Variants in MN1 observed in about 807,000 individuals in gnomAD.
The protein encoded by MN1 is MN1 proto-oncogene, transcriptional regulator, also known as transcriptional activator MN1.
MN1 carries 19 observed loss-of-function variants against 86.9 expected under a neutral mutation model. The ratio of observed to expected loss-of-function variants is 0.22; its 90% CI spans 0.15 to 0.32. The LOEUF is 0.32. Among genes scored for constraint, MN1 ranks in the 10% least tolerant of loss-of-function variants. The pLI is 1.00. For missense variants in MN1, 1,841 were observed against 1,862.0 expected, an observed-to-expected ratio of 0.99 and a Z score of 0.21; for synonymous variants, 928 against 849.6, an observed-to-expected ratio of 1.09 and a Z score of -1.60.
intron 1 of MN1, among the ~76,000 whole-genome samples, chr22:27,781,910 G>A (rs1679816370): frequency 6.6e-6 from 1 of 152,064 alleles, no homozygotes; most frequent in Non-Finnish European, 1.5e-5. Context: ...GAGCCTGCCA[G>A]GTTCCTGAGG....
In MN1 at chr22:27,799,348, A is replaced by T. The variant is rs1933385025; in HGVS notation, c.1196T>A (p.Met399Lys). 6.3e-7 allele frequency: 1 copy of T among 1,586,468 alleles called. No homozygotes were observed. The highest frequency in any genetic ancestry group is 1.3e-5 in the African/African-American group (1 of 74,596). Residue 399 changes from methionine to lysine, a missense_variant, in exon 1 of 2, where the codon ATG (methionine) becomes AAG (lysine). Transcript: ENST00000302326. ...PSGGLQDGGP[M>K]LPSQHAQFEY... ...GAATTGCGCGTGCTGGCTGGGCAGC[A>T]TGGGGCCTCCGTCCTGCAGGCCGCC...
chr22:27,801,332 G>A lies in MN1; in HGVS notation c.-789C>T. ...GGCTCCTCTGCTCGGCAGCGGGTGC[G>A]CTGCGTTCGGCGCGCAGCTTCGCGG... On this transcript the variant is annotated 5_prime_UTR_variant, in exon 1 of 2. Coordinates refer to ENST00000302326, the MANE Select transcript of MN1 (RefSeq NM_002430.3). The A allele has an allele frequency of 4.6e-6, 1 of 218,090 alleles. No homozygotes were observed. The highest frequency in any genetic ancestry group is 9.3e-6 in the Non-Finnish European group (1 of 108,100). 13.5% of individuals were successfully genotyped at this position (218,090 alleles called of 1,614,324 possible).
At chr22:27,762,533 A>G (rs562034141) in intron 1 of MN1, among the ~76,000 whole-genome samples, 1 of 152,140 alleles carries the variant, frequency 6.6e-6, no homozygotes. Context: ...TACTATTATT[A>G]TATTTGAGAG....
intron 1 of MN1, among the ~76,000 whole-genome samples, chr22:27,767,389 A>AT (rs1264559922): frequency 1.1e-4 from 16 of 152,208 alleles, no homozygotes; most frequent in Non-Finnish European, 1.8e-4. Flanking sequence ...AGATTAAGGA[A>AT]TTATATCCAC....
At chr22:27,765,213 G>A (rs932003584) in intron 1 of MN1, among the ~76,000 whole-genome samples, 9 of 152,194 alleles carry the variant, frequency 5.9e-5, no homozygotes, top group African/African-American at 2.2e-4. Flanking sequence ...CATAAGAGGA[G>A]GTTGCAAGCC....
intron 1 of MN1, among the ~76,000 whole-genome samples, chr22:27,774,500 C>T (rs1309140789): frequency 6.6e-6 from 1 of 152,330 alleles, no homozygotes; most frequent in South Asian, 2.1e-4. Flanking sequence ...GCTTTCAGCT[C>T]CCACTGGGAA....
intron 1 of MN1, among the ~76,000 whole-genome samples, chr22:27,755,414 GC>G (rs1339518825): frequency 6.6e-6 from 1 of 152,184 alleles, no homozygotes; most frequent in Non-Finnish European, 1.5e-5. Context: ...GAGGGCAGGG[GC>G]CTCTGGTTCT....
intron 1 of MN1, among the ~76,000 whole-genome samples, chr22:27,757,659 A>C (rs1283433858): frequency 6.6e-6 from 1 of 152,094 alleles, no homozygotes; most frequent in African/African-American, 2.4e-5. Context: ...GTTCTGTGAC[A>C]GCTGCCACTC....
At chr22:27,752,694 ACT>A (rs1932776130) in intron 1 of MN1, among the ~76,000 whole-genome samples, 2 of 151,980 alleles carry the variant, frequency 1.3e-5, no homozygotes, top group African/African-American at 4.8e-5. Flanking sequence ...CATTTCCTAG[ACT>A]CTGACTTTAG....
At chr22:27,751,635 AGG>A (rs766592112) in intron 1 of MN1, among the ~76,000 whole-genome samples, 1 of 152,154 alleles carries the variant, frequency 6.6e-6, no homozygotes, top group African/African-American at 2.4e-5. Context: ...TACCAACTCC[AGG>A]GGGGAAGGAT....
rs770298219 is a variant in MN1, at chr22:27,797,763, C to A, written c.2781G>T (p.Thr927=). ...AGACCGGCTTGCCGTCATTCCCCGACGTGGATTCCAGGGTGTAGTTGGGGG... is the reference window on the plus strand; with the variant it reads ...AGACCGGCTTGCCGTCATTCCCCGAAGTGGATTCCAGGGTGTAGTTGGGGG... The part of the protein sequence containing the change: ...SLSPNYTLES[T]SGNDGKPVSG... The change falls in exon 1 of 2, where the codon ACG becomes ACT. Residue 927 remains threonine, a synonymous_variant. Coordinates refer to ENST00000302326, the MANE Select transcript of MN1 (RefSeq NM_002430.3). 6.2e-7 allele frequency: 1 copy of A among 1,607,930 alleles called. No individual in the cohort carries two copies. Among genetic ancestry groups the A allele is most frequent in the Admixed American group, 1.7e-5 (1 of 59,602 alleles).
In MN1 at chr22:27,797,128, G is replaced by T; in HGVS notation, c.3416C>A (p.Thr1139Lys). The T allele has an allele frequency of 6.3e-7, 1 of 1,580,304 alleles. No individual in the cohort carries two copies. The change falls in exon 1 of 2, where the codon ACG becomes AAG. Residue 1139 changes from threonine to lysine, a missense_variant. Transcript: ENST00000302326. ...GGGTGGCGGGGCGCCGCTGCTGCTC[G>T]TCGGGGTGCGGACCTGCTCCAGGCC... Reference protein sequence around the residue: ...TPGLEQVRTPTSSSGAPPPDE... With the variant: ...TPGLEQVRTPKSSSGAPPPDE...
rs1041361373 is a variant in MN1 at position 27,748,789 on chromosome 22, A to G, written c.*2126T>C. The G allele has an allele frequency of 2.2e-5, 5 of 223,922 alleles. No homozygotes were observed. The highest frequency in any genetic ancestry group is 1.1e-4 in the African/African-American group (5 of 44,796). 13.9% of individuals were successfully genotyped at this position (223,922 alleles called of 1,614,324 possible). ...CCATGAGCTAATTGGCAAAGTGTTGATGACTCAACGCTGGGAAAGTCAAAG... is the reference window on the plus strand; with the variant it reads ...CCATGAGCTAATTGGCAAAGTGTTGGTGACTCAACGCTGGGAAAGTCAAAG... On this transcript the variant is annotated 3_prime_UTR_variant, in exon 2 of 2. Coordinates refer to ENST00000302326, the MANE Select transcript of MN1 (RefSeq NM_002430.3).
chr22:27,765,661 T>C (rs1184531816), intron 1 of MN1, among the ~76,000 whole-genome samples: 7 of 152,166 alleles, frequency 4.6e-5, no homozygotes, highest in Non-Finnish European at 5.9e-5. Context: ...AAGCGGGAAC[T>C]GAGTGGACAG....
rs774099251 is a variant in MN1 at position 27,797,782 on chromosome 22, T to C, written c.2762A>G (p.Asn921Ser). ...AQGDGTSLSPNYTLESTSGND... is the reference protein window; with the variant it reads ...AQGDGTSLSPSYTLESTSGND... The stretch of plus-strand genomic sequence containing the variant: ...CCCCGACGTGGATTCCAGGGTGTAG[T>C]TGGGGGAGAGGCTGGTGCCGTCCCC... The change falls in exon 1 of 2, where the codon AAC becomes AGC. Residue 921 changes from asparagine (N) to serine (S), a missense_variant. Physicochemically the swap from Asn to Ser is conservative, Grantham distance 46. Coordinates refer to ENST00000302326, the MANE Select transcript of MN1 (RefSeq NM_002430.3). 2 of 1,605,438 alleles carry C rather than the reference T, an allele frequency of 1.2e-6. No individual in the cohort carries two copies. Among genetic ancestry groups the C allele is most frequent in the Non-Finnish European group, 1.7e-6 (2 of 1,177,366 alleles).
intron 1 of MN1, among the ~76,000 whole-genome samples, chr22:27,766,649 C>T (rs1382540975): frequency 6.6e-6 from 1 of 152,204 alleles, no homozygotes; most frequent in Non-Finnish European, 1.5e-5. Flanking sequence ...GCAGAAGTCA[C>T]AGCCCCTTGT....
rs1413858500 is a variant in MN1 at position 27,797,742 on chromosome 22, C to T, written c.2802G>A (p.Pro934=). Residue 934 remains proline (P), a synonymous_variant, in exon 1 of 2, where the codon CCG becomes CCA. Coordinates refer to ENST00000302326, the MANE Select transcript of MN1 (RefSeq NM_002430.3). The stretch of plus-strand genomic sequence containing the variant: ...GTCCCCGGCCGCCGCCCCCGGAGAC[C>T]GGCTTGCCGTCATTCCCCGACGTGG... ...LESTSGNDGK[P]VSGGGGRGRG... 1.2e-6 allele frequency: 2 copies of T among 1,609,402 alleles called. No individual in the cohort carries two copies. The highest frequency in any genetic ancestry group is 1.1e-5 in the South Asian group (1 of 90,724).
In MN1 at chr22:27,800,658, C is replaced by T. The variant is rs896274682; in HGVS notation, c.-115G>A. On this transcript the variant is annotated 5_prime_UTR_variant, in exon 1 of 2. Transcript: ENST00000302326. ...TTGGGCGCTCCGGGACGCTCAGCAC[C>T]GCGGGGGCTCAGCGCGCACCTCCAC... 3 of 1,491,448 alleles carry T rather than the reference C, an allele frequency of 2.0e-6. No individual in the cohort carries two copies. The highest frequency in any genetic ancestry group is 2.8e-5 in the African/African-American group (2 of 72,440). 92.4% of individuals were successfully genotyped at this position (1,491,448 alleles called of 1,614,324 possible). A position where few individuals can be genotyped will look rare whatever the true frequency, so the allele number is the denominator to read the frequency against.
intron 1 of MN1, among the ~76,000 whole-genome samples, chr22:27,795,197 G>C (rs766936713): frequency 6.6e-6 from 1 of 152,176 alleles, no homozygotes; most frequent in Admixed American, 6.5e-5. Flanking sequence ...CTTCAAATGA[G>C]AGAGTGCGTC....
Sources: allele counts gnomAD v4.1 joint callset (sites outside exome capture counted in the v4.1 genomes callset), GRCh38; gene constraint gnomAD v4.1.1; transcripts MANE v1.5; gene names NCBI Gene and HGNC (gene_info 2026-07-23, HGNC 2026-07-21).